The following GALNTL6 variants were observed in gnomAD, a reference collection of about 807,000 sequenced individuals.
GALNTL6 encodes polypeptide N-acetylgalactosaminyltransferase like 6.
GALNTL6 carries 46 observed loss-of-function variants against 73.7 expected under a neutral mutation model. That is an observed-to-expected ratio of 0.62 (90% CI 0.49 to 0.80). The LOEUF (loss-of-function observed/expected upper bound fraction) is 0.80, where lower values mean the gene tolerates loss of function less well. Among genes scored for constraint, GALNTL6 ranks in the 30% least tolerant of loss-of-function variants. GALNTL6 has a pLI of 0.00. For missense variants in GALNTL6, 604 were observed against 755.0 expected (o/e 0.80, Z 2.34); for synonymous variants, 259 against 263.7 (o/e 0.98, Z 0.17).
At chr4:172,126,654 G>A (rs748447300) in intron 2 of GALNTL6, among the ~76,000 whole-genome samples, 55 of 152,162 alleles carry the variant, frequency 3.6e-4, no homozygotes, top group Admixed American at 2.3e-3. Flanking sequence ...CTAGACCCTC[G>A]GAGTCCCTGA....
At chr4:171,883,924 G>A (rs1002021304) in intron 2 of GALNTL6, among the ~76,000 whole-genome samples, 1 of 152,054 alleles carries the variant, frequency 6.6e-6, no homozygotes, top group Non-Finnish European at 1.5e-5. Context: ...TGGGATTACA[G>A]GCGTGAGCCA....
intron 5 of GALNTL6, among the ~76,000 whole-genome samples, chr4:172,693,393 G>T (rs1733439453): frequency 6.6e-6 from 1 of 152,080 alleles, no homozygotes; most frequent in Non-Finnish European, 1.5e-5. Context: ...CCAGCCACTG[G>T]CTTTGTCCTA....
chr4:171,924,750 C>G (rs892507831), intron 2 of GALNTL6, among the ~76,000 whole-genome samples: 1 of 152,096 alleles, frequency 6.6e-6, no homozygotes, highest in Non-Finnish European at 1.5e-5. Context: ...CAGAGTGGCA[C>G]CCATCTCTAC....
intron 3 of GALNTL6, among the ~76,000 whole-genome samples, chr4:172,234,511 T>C (rs1191077868): frequency 6.6e-6 from 1 of 152,290 alleles, no homozygotes; most frequent in East Asian, 1.9e-4. Flanking sequence ...AGTTTGTGAC[T>C]TTCTTTTAAC....
intron 11 of GALNTL6, among the ~76,000 whole-genome samples, chr4:173,019,505 A>G (rs1361063308): frequency 6.6e-6 from 1 of 152,218 alleles, no homozygotes; most frequent in African/African-American, 2.4e-5. Context: ...GTGAGTTCTG[A>G]ATAGAAGAGA....
At chr4:172,501,603 A>T (rs1734263437) in intron 5 of GALNTL6, among the ~76,000 whole-genome samples, 1 of 152,150 alleles carries the variant, frequency 6.6e-6, no homozygotes, top group Non-Finnish European at 1.5e-5. Flanking sequence ...TACAGGAGAC[A>T]TATCTAGATC....
At chr4:171,825,150 C>T (rs1339620754) in intron 2 of GALNTL6, among the ~76,000 whole-genome samples, 2 of 152,074 alleles carry the variant, frequency 1.3e-5, no homozygotes, top group Non-Finnish European at 2.9e-5. Flanking sequence ...CAAAGAATGT[C>T]TTTAGGGCTG....
At chr4:171,893,761 C>G (rs1373349019) in intron 2 of GALNTL6, among the ~76,000 whole-genome samples, 1 of 152,082 alleles carries the variant, frequency 6.6e-6, no homozygotes, top group Non-Finnish European at 1.5e-5. Context: ...CTTACTAGTT[C>G]TCTGATACTA....
chr4:172,214,905 T>C (rs1579264011), intron 2 of GALNTL6, among the ~76,000 whole-genome samples: 1 of 152,276 alleles, frequency 6.6e-6, no homozygotes, highest in Non-Finnish European at 1.5e-5. Context: ...GCTTTAGAGC[T>C]TTCTTCTTTT....
intron 2 of GALNTL6, among the ~76,000 whole-genome samples, chr4:172,103,928 G>GTTTTTGT (rs766176670): frequency 2.7e-4 from 40 of 149,002 alleles, no homozygotes; most frequent in Non-Finnish European, 4.6e-4. Flanking sequence ...ACAGGTTTTT[G>GTTTTTGT]TTTTTTTCTT....
At chr4:172,550,502 T>A (rs1579179846) in intron 5 of GALNTL6, among the ~76,000 whole-genome samples, 1 of 152,326 alleles carries the variant, frequency 6.6e-6, no homozygotes, top group Non-Finnish European at 1.5e-5. Flanking sequence ...GTTGCTTGGG[T>A]TGTCAGTCTT....
At chr4:172,941,296 A>T (rs1216510896) in intron 9 of GALNTL6, among the ~76,000 whole-genome samples, 1 of 152,222 alleles carries the variant, frequency 6.6e-6, no homozygotes, top group East Asian at 1.9e-4. Context: ...GCCTATTGGG[A>T]TATTTTATAA....
At chr4:172,006,291 C>T (rs1740839551) in intron 2 of GALNTL6, among the ~76,000 whole-genome samples, 1 of 152,110 alleles carries the variant, frequency 6.6e-6, no homozygotes, top group African/African-American at 2.4e-5. Flanking sequence ...TGCCAATGGC[C>T]ATTCCTCTAA....
At chr4:172,156,562 T>TA (rs1468633142) in intron 2 of GALNTL6, among the ~76,000 whole-genome samples, 7 of 73,030 alleles carry the variant, frequency 9.6e-5, no homozygotes, top group African/African-American at 1.7e-4. Context: ...TATATATATA[T>TA]ATATACATAC....
At chr4:172,380,071 G>C (rs757887496) in intron 5 of GALNTL6, 62 of 972,132 alleles carry the variant, frequency 6.4e-5, no homozygotes, top group Non-Finnish European at 9.7e-5. Context: ...TGCTCTAGCT[G>C]TTTATATGGC....
At chr4:172,062,341 A>G (rs1413442824) in intron 2 of GALNTL6, among the ~76,000 whole-genome samples, 1 of 152,172 alleles carries the variant, frequency 6.6e-6, no homozygotes, top group Non-Finnish European at 1.5e-5. Context: ...AATACGAATC[A>G]AATGTCTATC....
chr4:172,673,836 C>A (rs7698124), intron 5 of GALNTL6, among the ~76,000 whole-genome samples: 151,089 of 152,322 alleles, frequency 0.99, 74,946 homozygotes, highest in Middle Eastern at 1. Flanking sequence ...ATTTTTCTCC[C>A]TCCCTTTATT....
intron 3 of GALNTL6, among the ~76,000 whole-genome samples, chr4:172,306,025 G>A (rs558768079): frequency 2.4e-4 from 37 of 152,164 alleles, no homozygotes; most frequent in African/African-American, 6.7e-4. Flanking sequence ...AAAAATATGC[G>A]TACAAACATT....
chr4:173,013,724 A>G (rs1407491278), intron 11 of GALNTL6, among the ~76,000 whole-genome samples: 4 of 152,070 alleles, frequency 2.6e-5, no homozygotes, highest in Non-Finnish European at 4.4e-5. Context: ...GTCTCTAGAG[A>G]TCCTAAAAAT....
Sources: gnomAD v4.1 joint callset for allele counts (sites outside exome capture counted in the v4.1 genomes callset) on GRCh38, gnomAD v4.1.1 for gene constraint, MANE v1.5 for transcripts, NCBI Gene and HGNC (gene_info 2026-07-23, HGNC 2026-07-21) for gene names.